BNC2: variants seen among roughly 807,000 people sequenced by gnomAD.
BNC2 encodes basonuclin zinc finger protein 2.
Under a neutral mutation model 76.3 loss-of-function variants are expected in BNC2, and 20 were observed. That is an observed-to-expected ratio of 0.26 (90% CI 0.18 to 0.38). The LOEUF (loss-of-function observed/expected upper bound fraction) is 0.38. Among genes scored for constraint, BNC2 ranks in the 10% least tolerant of loss-of-function variants. The pLI is 1.00. For missense variants in BNC2, 1,382 were observed against 1,399.8 expected (o/e 0.99, Z 0.20); for synonymous variants, 582 against 514.8 (o/e 1.13, Z -1.77).
intron 4 of BNC2, among the ~76,000 whole-genome samples, chr9:16,556,766 CA>C (rs397936765): frequency 2.0e-3 from 248 of 127,100 alleles, no homozygotes; most frequent in Admixed American, 2.6e-3. Flanking sequence ...GACTCTAACT[CA>C]AAAAAAAAAA....
intron 3 of BNC2, among the ~76,000 whole-genome samples, chr9:16,657,999 A>G (rs558127322): frequency 6.6e-6 from 1 of 152,330 alleles, no homozygotes; most frequent in Admixed American, 6.5e-5. Flanking sequence ...CAACCCCCTA[A>G]GTAGAATAAA....
chr9:16,665,961 A>G (rs1182888883), intron 3 of BNC2, among the ~76,000 whole-genome samples: 1 of 152,214 alleles, frequency 6.6e-6, no homozygotes, highest in Non-Finnish European at 1.5e-5. Flanking sequence ...GATTAAAAAT[A>G]TTAAAGAAAC....
chr9:16,742,893 G>T (rs1824890882), intron 1 of BNC2, among the ~76,000 whole-genome samples: 2 of 152,250 alleles, frequency 1.3e-5, no homozygotes, highest in Non-Finnish European at 2.9e-5. Context: ...TATTTCACTG[G>T]AAATTGTACC....
intron 1 of BNC2, among the ~76,000 whole-genome samples, chr9:16,868,729 TG>T (rs1819602303): frequency 6.6e-6 from 1 of 152,232 alleles, no homozygotes; most frequent in Admixed American, 6.5e-5. Context: ...TCATTAAGAC[TG>T]AACAGTTTAC....
chr9:16,529,278 T>G (rs1817906788), intron 5 of BNC2, among the ~76,000 whole-genome samples: 1 of 152,180 alleles, frequency 6.6e-6, no homozygotes, highest in Non-Finnish European at 1.5e-5. Flanking sequence ...GGGTAGATAT[T>G]TTTTGGTCAA....
chr9:16,658,828 A>AC (rs901183030), intron 3 of BNC2, among the ~76,000 whole-genome samples: 1 of 151,904 alleles, frequency 6.6e-6, no homozygotes, highest in Non-Finnish European at 1.5e-5. Flanking sequence ...TTATGCCCAC[A>AC]CCCCCCACCC....
At chr9:16,815,485 A>AT (rs1360221908) in intron 1 of BNC2, among the ~76,000 whole-genome samples, 1 of 152,234 alleles carries the variant, frequency 6.6e-6, no homozygotes, top group Non-Finnish European at 1.5e-5. Context: ...CAACTTTAAT[A>AT]TAGCAGGTAA....
intron 5 of BNC2, among the ~76,000 whole-genome samples, chr9:16,463,442 G>T (rs1037525850): frequency 6.9e-6 from 1 of 145,926 alleles, no homozygotes; most frequent in African/African-American, 2.7e-5. Context: ...GACTACAGGC[G>T]CCCGCCACTA....
chr9:16,762,634 G>A (rs1468564242), intron 1 of BNC2, among the ~76,000 whole-genome samples: 1 of 152,138 alleles, frequency 6.6e-6, no homozygotes, highest in Non-Finnish European at 1.5e-5. Context: ...TGTGTTCCTG[G>A]TTTTGCTATT....
intron 1 of BNC2, among the ~76,000 whole-genome samples, chr9:16,792,333 A>C (rs1817533978): frequency 6.6e-6 from 1 of 152,190 alleles, no homozygotes; most frequent in Non-Finnish European, 1.5e-5. Flanking sequence ...TGAACTCAGG[A>C]AGTGTAACTC....
rs554882018 is a variant in BNC2, at chr9:16,591,980, T to C, written c.331-8895A>G. On this transcript the variant is annotated intron_variant, in intron 3 of 6. Transcript: ENST00000380672. The stretch of plus-strand genomic sequence containing the variant: ...CAACGAAAAAACACATTAGATCTTA[T>C]AACTGAGACAGGAGATTCGCAAGAG... Among the ~76,000 whole-genome samples, 9 of 152,244 alleles carry C rather than the reference T, an allele frequency of 5.9e-5. No individual in the cohort carries two copies. In the East Asian group the frequency reaches 9.7e-4, roughly 16 times the overall value.
At chr9:16,850,238 C>T (rs1819097363) in intron 1 of BNC2, among the ~76,000 whole-genome samples, 2 of 152,160 alleles carry the variant, frequency 1.3e-5, no homozygotes, top group South Asian at 4.1e-4. Context: ...ATTTATCAGG[C>T]ACTTAAAACA....
intron 1 of BNC2, among the ~76,000 whole-genome samples, chr9:16,832,974 T>C (rs10962628): frequency 0.38 from 57,940 of 151,898 alleles, 14,695 homozygotes; most frequent in Non-Finnish European, 0.57. Context: ...TCCGCCTGCC[T>C]TGACCTCCCA....
At chr9:16,825,779 G>A (rs186501598) in intron 1 of BNC2, among the ~76,000 whole-genome samples, 54 of 152,118 alleles carry the variant, frequency 3.5e-4, no homozygotes, top group African/African-American at 1.3e-3. Context: ...TGTGGAAGGT[G>A]TTTTTCATTA....
chr9:16,468,568 G>T (rs1821747515), intron 5 of BNC2, among the ~76,000 whole-genome samples: 1 of 151,800 alleles, frequency 6.6e-6, no homozygotes, highest in Non-Finnish European at 1.5e-5. Flanking sequence ...GCTACTTTTT[G>T]TATTTTTAGT....
chr9:16,856,119 GA>G (rs1206784497), intron 1 of BNC2, among the ~76,000 whole-genome samples: 1 of 152,074 alleles, frequency 6.6e-6, no homozygotes, highest in African/African-American at 2.4e-5. Flanking sequence ...ATTGCAAAAT[GA>G]AAGTACATTA....
At chr9:16,473,953 G>A (rs541462318) in intron 5 of BNC2, among the ~76,000 whole-genome samples, 110 of 152,256 alleles carry the variant, frequency 7.2e-4, no homozygotes, top group African/African-American at 2.5e-3. Flanking sequence ...CAGATCCACT[G>A]GGCAATGTCT....
intron 1 of BNC2, among the ~76,000 whole-genome samples, chr9:16,783,640 T>C (rs1027693309): frequency 1.3e-5 from 2 of 152,220 alleles, no homozygotes; most frequent in Non-Finnish European, 2.9e-5. Context: ...CTGCTTTACA[T>C]TATTGACTTA....
intron 5 of BNC2, among the ~76,000 whole-genome samples, chr9:16,494,147 A>C (rs1764407726): frequency 6.6e-6 from 1 of 152,106 alleles, no homozygotes; most frequent in African/African-American, 2.4e-5. Flanking sequence ...TATATTAGAA[A>C]ATAATTTTCT....
Sources: gnomAD v4.1 joint callset for allele counts (sites outside exome capture counted in the v4.1 genomes callset) on GRCh38, gnomAD v4.1.1 for gene constraint, MANE v1.5 for transcripts, NCBI Gene and HGNC (gene_info 2026-07-23, HGNC 2026-07-21) for gene names.